Variants in LRCH1 observed in about 807,000 individuals in gnomAD.
LRCH1 encodes leucine rich repeats and calponin homology domain containing 1, also known as leucine-rich repeat and calponin homology domain-containing protein 1.
A neutral mutation model predicts 94.9 loss-of-function variants in LRCH1; 23 were observed. The ratio of observed to expected loss-of-function variants is 0.24; its 90% CI spans 0.17 to 0.34. LRCH1 has a LOEUF of 0.34. Ranked by LOEUF, LRCH1 falls within the 10% of genes least tolerant of loss-of-function variation. LRCH1 has a pLI of 1.00. For missense variants in LRCH1, 790 were observed against 945.9 expected, an observed-to-expected ratio of 0.84 and a Z score of 2.16; for synonymous variants, 364 against 354.9, an observed-to-expected ratio of 1.03 and a Z score of -0.29.
At chr13:46,664,004 AG>A (rs1317516463) in intron 2 of LRCH1, among the ~76,000 whole-genome samples, 1 of 152,226 alleles carries the variant, frequency 6.6e-6, no homozygotes, top group Admixed American at 6.5e-5. Context: ...GGAATTAGGA[AG>A]GATGAGAGAG....
chr13:46,682,098 G>C lies in LRCH1; in HGVS notation c.685+252G>C, dbSNP rs541244052. Among the ~76,000 whole-genome samples the C allele has an allele frequency of 6.0e-4, 92 of 152,270 alleles. 1 individual carries two copies. The highest frequency in any genetic ancestry group is 6.8e-3 in the Middle Eastern group (2 of 294). On this transcript the variant is annotated intron_variant, in intron 4 of 19. Transcript: ENST00000389797. Reference sequence around the variant, plus strand: ...AATGCTGTGGGGCACGGGGGTGGACGTGGGTGTGTTAGTTTGCTGGGGCTA... The same window carrying C: ...AATGCTGTGGGGCACGGGGGTGGACCTGGGTGTGTTAGTTTGCTGGGGCTA...
chr13:46,666,805 A>AGCCC (rs1402802406), intron 2 of LRCH1, among the ~76,000 whole-genome samples: 1 of 152,166 alleles, frequency 6.6e-6, no homozygotes, highest in Non-Finnish European at 1.5e-5. Context: ...GCTTGAAAAA[A>AGCCC]GCCCTCACAG....
At chr13:46,693,381 T>C (rs1338300220) in intron 8 of LRCH1, among the ~76,000 whole-genome samples, 1 of 152,202 alleles carries the variant, frequency 6.6e-6, no homozygotes, top group Non-Finnish European at 1.5e-5. Context: ...CATGTCCATC[T>C]GTTTTAAGCC....
chr13:46,741,526 G>A (rs994808103), intron 19 of LRCH1, 116 bp from the exon 20 acceptor site: 3 of 1,182,788 alleles, frequency 2.5e-6, no homozygotes, highest in Non-Finnish European at 2.5e-6. Flanking sequence ...GAAATAAGGG[G>A]TTACTCCTGC....
At chr13:46,584,609 T>G (rs1566157871) in intron 1 of LRCH1, among the ~76,000 whole-genome samples, 2 of 152,260 alleles carry the variant, frequency 1.3e-5, no homozygotes, top group Non-Finnish European at 2.9e-5. Context: ...CCTCAGCTCC[T>G]GTTGGAGCCT....
chr13:46,565,415 T>C (rs912424954), intron 1 of LRCH1, among the ~76,000 whole-genome samples: 2 of 152,182 alleles, frequency 1.3e-5, no homozygotes, highest in Non-Finnish European at 2.9e-5. Flanking sequence ...GAAATGACTT[T>C]CCTTCGGTTA....
At chr13:46,572,574 G>A (rs1315526769) in intron 1 of LRCH1, among the ~76,000 whole-genome samples, 1 of 151,824 alleles carries the variant, frequency 6.6e-6, no homozygotes, top group Non-Finnish European at 1.5e-5. Context: ...TACCTATAAC[G>A]ACTGTTTTCA....
At chr13:46,579,194 G>T (rs1049737136) in intron 1 of LRCH1, among the ~76,000 whole-genome samples, 1 of 152,160 alleles carries the variant, frequency 6.6e-6, no homozygotes, top group African/African-American at 2.4e-5. Flanking sequence ...GCCCTTATAT[G>T]CTTGACTGTG....
At chr13:46,607,479 A>G (rs1180306053) in intron 1 of LRCH1, among the ~76,000 whole-genome samples, 1 of 152,146 alleles carries the variant, frequency 6.6e-6, no homozygotes, top group African/African-American at 2.4e-5. Flanking sequence ...AGACCTTTTT[A>G]TAGATAGAAA....
chr13:46,624,816 A>C lies in LRCH1; in HGVS notation c.308-25385A>C, dbSNP rs555516047. Among the ~76,000 whole-genome samples the C allele has an allele frequency of 2.0e-5, 3 of 152,356 alleles. No individual in the cohort carries two copies. In the South Asian group the frequency reaches 6.2e-4, roughly 32 times the overall value. On this transcript the variant is annotated intron_variant, in intron 1 of 19. Transcript: ENST00000389797. ...TGAGCTTAATCCAACAACTCCAACG[A>C]TGTTAGCTACTTTTTCAAAATACAT...
In LRCH1 at chr13:46,742,870, G is replaced by C. The variant is rs992434071; in HGVS notation, c.*1022G>C. The C allele has an allele frequency of 1.0e-6, 1 of 985,348 alleles. No individual in the cohort carries two copies. Among genetic ancestry groups the C allele is most frequent in the South Asian group, 4.7e-5 (1 of 21,280 alleles). The allele number at this position is 985,348 out of a possible 1,614,324, so 61.0% of individuals were successfully genotyped here. On this transcript the variant is annotated 3_prime_UTR_variant, in exon 20 of 20. Coordinates refer to ENST00000389797, the MANE Select transcript of LRCH1 (RefSeq NM_001164211.2). ...AAGAATGTAGTTTCTCTAATTATTTGAAATGTTCATTTAGCCTTTGATTTT... is the reference window on the plus strand; with the variant it reads ...AAGAATGTAGTTTCTCTAATTATTTCAAATGTTCATTTAGCCTTTGATTTT...
chr13:46,660,049 T>TTTTTTTTTTTTG (rs1430696663), intron 2 of LRCH1, among the ~76,000 whole-genome samples: 3 of 149,170 alleles, frequency 2.0e-5, no homozygotes, highest in South Asian at 2.2e-4. Context: ...TTTTTTTTTT[T>TTTTTTTTTTTTG]GAGACAGGCT....
Position 46,553,612 on chromosome 13 carries a change from C to A in LRCH1, c.216C>A (p.Asn72Lys). ...GLERALEEAANSGGLNLSARK... is the reference protein window; with the variant it reads ...GLERALEEAAKSGGLNLSARK... The stretch of plus-strand genomic sequence containing the variant: ...AGCGCGCGCTTGAGGAGGCGGCCAA[C>A]TCCGGGGGGCTGAACCTGAGCGCCA... Residue 72 changes from asparagine to lysine, a missense_variant, in exon 1 of 20, where the codon AAC becomes AAA. By Grantham distance (94) the Asn-to-Lys change is moderately conservative (BLOSUM62 0). This residue lies in a region of LRCH1 where 136 missense variants were observed against 143.5 expected (regional missense o/e 0.95). Transcript: ENST00000389797. 6.4e-7 allele frequency: 1 copy of A among 1,572,380 alleles called. No homozygotes were observed. Among genetic ancestry groups the A allele is most frequent in the Non-Finnish European group, 8.6e-7 (1 of 1,159,930 alleles).
At chr13:46,747,417 T>C (rs1028895588), downstream of LRCH1, among the ~76,000 whole-genome samples, 1 of 152,180 alleles carries the variant, frequency 6.6e-6, no homozygotes, top group African/African-American at 2.4e-5. Flanking sequence ...GAGCCACTGC[T>C]CATCAGGCCC....
chr13:46,685,483 A>G (rs1431120250), intron 4 of LRCH1, among the ~76,000 whole-genome samples: 1 of 152,218 alleles, frequency 6.6e-6, no homozygotes, highest in Non-Finnish European at 1.5e-5. Context: ...ATGCCAGCCC[A>G]AATACATTGA....
chr13:46,695,885 C>T (rs373619175), intron 9 of LRCH1, among the ~76,000 whole-genome samples: 3 of 152,084 alleles, frequency 2.0e-5, no homozygotes, highest in African/African-American at 7.2e-5. Context: ...TGTAGGAGAC[C>T]TTCGTGTGCT....
chr13:46,743,683 T>G lies in LRCH1; in HGVS notation c.*1835T>G. ...CTCTGCAGTGCATTGAGGCTTCTCT[T>G]TAATGGTCACCACTGTGGTGGTTTT... is the stretch of plus-strand genomic sequence containing the variant. On this transcript the variant is annotated 3_prime_UTR_variant, in exon 20 of 20. Coordinates refer to ENST00000389797, the MANE Select transcript of LRCH1 (RefSeq NM_001164211.2). 1.0e-6 allele frequency: 1 copy of G among 985,394 alleles called. No individual in the cohort carries two copies. Among genetic ancestry groups the G allele is most frequent in the Non-Finnish European group, 1.2e-6 (1 of 829,924 alleles). 61.0% of individuals were successfully genotyped at this position (985,394 alleles called of 1,614,324 possible). A position where few individuals can be genotyped will look rare whatever the true frequency, so the allele number is the denominator to read the frequency against.
intron 1 of LRCH1, among the ~76,000 whole-genome samples, chr13:46,639,628 C>T (rs1050601857): frequency 1.3e-5 from 2 of 152,214 alleles, no homozygotes; most frequent in African/African-American, 4.8e-5. Context: ...AATCCCTAGT[C>T]TCCTGCCTTC....
chr13:46,741,616 T>C, intron 19 of LRCH1, 26 bp from the exon 20 acceptor site: 21 of 1,613,976 alleles, frequency 1.3e-5, no homozygotes, highest in Non-Finnish European at 1.7e-5. Flanking sequence ...TGTCTCTTTC[T>C]GTTCTAATGG....
Sources: gnomAD v4.1 joint callset for allele counts (sites outside exome capture counted in the v4.1 genomes callset) on GRCh38, gnomAD v4.1.1 for gene constraint, gnomAD v4.1.1 regional missense constraint, MANE v1.5 for transcripts, NCBI Gene and HGNC (gene_info 2026-07-23, HGNC 2026-07-21) for gene names.